Variants in LIN28B observed in about 807,000 individuals in gnomAD.
LIN28B encodes the protein lin-28 RNA binding posttranscriptional regulator B, also known as protein lin-28 homolog B.
LIN28B carries 5 observed loss-of-function variants against 21.9 expected under a neutral mutation model. That is an observed-to-expected ratio of 0.23 (90% CI 0.12 to 0.48). The LOEUF is 0.48. LIN28B is among the 20% of genes least tolerant of loss of function. The pLI is 0.98. For synonymous variants in LIN28B, 109 were observed against 111.3 expected (o/e 0.98, Z 0.13); for missense variants, 245 against 310.5 (o/e 0.79, Z 1.58).
In LIN28B at chr6:105,074,228, C is replaced by T. The variant is rs113347887; in HGVS notation, c.384-4186C>T. ...TTTTCTTTTTTTTGAGACAGAGTCT[C>T]GCTCTGTCGCCCAGGCTGGAGTGCA... On this transcript the variant is annotated intron_variant, in intron 3 of 3. Transcript: ENST00000345080. Among the ~76,000 whole-genome samples, 192 of 152,196 alleles carry T rather than the reference C, an allele frequency of 1.3e-3. 2 individuals are homozygous for T. The highest frequency in any genetic ancestry group is 4.5e-3 in the African/African-American group (185 of 41,528).
chr6:105,015,540 A>G (rs771657560), intron 2 of LIN28B, among the ~76,000 whole-genome samples: 1 of 152,050 alleles, frequency 6.6e-6, no homozygotes, highest in Admixed American at 6.5e-5. Context: ...AACTGTTCAT[A>G]TGGTTGGATT....
intron 2 of LIN28B, among the ~76,000 whole-genome samples, chr6:104,948,372 CAGG>C (rs1397422261): frequency 2.0e-5 from 3 of 152,102 alleles, no homozygotes; most frequent in African/African-American, 7.2e-5. Context: ...GAGGCCGAGG[CAGG>C]AGAATCGCTT....
chr6:104,993,935 C>A (rs1026479267), intron 2 of LIN28B, among the ~76,000 whole-genome samples: 3 of 151,172 alleles, frequency 2.0e-5, no homozygotes, highest in Non-Finnish European at 4.4e-5. Flanking sequence ...GTTACTTTTT[C>A]TTAAATAGTA....
At chr6:105,007,437 T>A (rs1051872594) in intron 2 of LIN28B, among the ~76,000 whole-genome samples, 11 of 152,206 alleles carry the variant, frequency 7.2e-5, no homozygotes, top group Admixed American at 3.3e-4. Context: ...ATTATAAATG[T>A]CCAATTTGGA....
At chr6:104,962,521 A>G (rs527720040) in intron 2 of LIN28B, among the ~76,000 whole-genome samples, 2 of 152,276 alleles carry the variant, frequency 1.3e-5, no homozygotes, top group Admixed American at 1.3e-4. Flanking sequence ...TAGAAAAAAT[A>G]AAATCATTAT....
chr6:105,054,198 G>T (rs1485612579), intron 3 of LIN28B, among the ~76,000 whole-genome samples: 1 of 152,160 alleles, frequency 6.6e-6, no homozygotes, highest in East Asian at 1.9e-4. Flanking sequence ...TGTACTTAAT[G>T]TAATTATTGA....
At chr6:104,972,692 T>A (rs1289526796) in intron 2 of LIN28B, among the ~76,000 whole-genome samples, 2 of 152,316 alleles carry the variant, frequency 1.3e-5, no homozygotes, top group Non-Finnish European at 1.5e-5. Context: ...AATAAATAAA[T>A]TTTCAAATAG....
intron 3 of LIN28B, among the ~76,000 whole-genome samples, chr6:105,070,623 C>CACACACACACACAT (rs1772314120): frequency 1.3e-5 from 2 of 150,848 alleles, no homozygotes; most frequent in Non-Finnish European, 3.0e-5. Context: ...CACACACACA[C>CACACACACACACAT]ACACACACAC....
intron 2 of LIN28B, among the ~76,000 whole-genome samples, chr6:104,988,437 T>G (rs941675774): frequency 7.3e-6 from 1 of 137,090 alleles, no homozygotes; most frequent in Non-Finnish European, 1.6e-5. Context: ...AAGATTTGTA[T>G]TTTTTTTTTT....
In LIN28B at chr6:104,970,190, AATTT is replaced by A. The variant is rs1769945433; in HGVS notation, c.198+11910_198+11913del. On this transcript the variant is annotated intron_variant, in intron 2 of 3. Coordinates refer to ENST00000345080, the MANE Select transcript of LIN28B (RefSeq NM_001004317.4). Reference sequence around the variant, plus strand: ...ACCTAATTTACACTAAATGCTTGTTAATTTATTTAAGTTCTGGCTGCAGTCTTCG... The same window carrying A: ...ACCTAATTTACACTAAATGCTTGTTAATTTAAGTTCTGGCTGCAGTCTTCG... Among the ~76,000 whole-genome samples the A allele has an allele frequency of 2.0e-5, 3 of 152,142 alleles. 1 individual carries two copies. The highest frequency in any genetic ancestry group is 2.0e-4 in the Admixed American group (3 of 15,256).
rs1043321685 is a variant in LIN28B at position 105,079,002 on chromosome 6, A to G, written c.*219A>G. The G allele has an allele frequency of 2.7e-5, 14 of 523,152 alleles. No individual in the cohort carries two copies. In the Admixed American group the frequency reaches 3.6e-4, roughly 14 times the overall value. 32.4% of individuals were successfully genotyped at this position (523,152 alleles called of 1,614,324 possible). On this transcript the variant is annotated 3_prime_UTR_variant, in exon 4 of 4. Coordinates refer to ENST00000345080, the MANE Select transcript of LIN28B (RefSeq NM_001004317.4). ...AGAGAATAAGATACTATGTCTGTCA[A>G]TATGTGCATGTGTGAGAGGGAGAGA...
intron 2 of LIN28B, among the ~76,000 whole-genome samples, chr6:104,947,449 A>G (rs892058521): frequency 2.0e-5 from 3 of 152,182 alleles, no homozygotes; most frequent in Non-Finnish European, 4.4e-5. Flanking sequence ...ATTACAATAT[A>G]TAATTCATAA....
chr6:105,031,275 G>A (rs2114349500), intron 3 of LIN28B, among the ~76,000 whole-genome samples: 1 of 152,022 alleles, frequency 6.6e-6, no homozygotes, highest in South Asian at 2.1e-4. Flanking sequence ...CCTTCAGGCT[G>A]GTTTCTGTGT....
intron 2 of LIN28B, among the ~76,000 whole-genome samples, chr6:104,944,735 T>C (rs1236960197): frequency 6.6e-6 from 1 of 152,084 alleles, no homozygotes; most frequent in African/African-American, 2.4e-5. Context: ...AATATATCAG[T>C]AAAAAGTACT....
chr6:104,972,885 C>T (rs1489530926), intron 2 of LIN28B, among the ~76,000 whole-genome samples: 1 of 151,822 alleles, frequency 6.6e-6, no homozygotes, highest in Non-Finnish European at 1.5e-5. Context: ...CTGAGGTGGG[C>T]GGATCACCTG....
rs4145418 is a variant in LIN28B, at chr6:105,081,910, A to C, written c.*3127A>C. ...CTGGCTTGCCAAGGAATGAACATGC[A>C]ATGCCATTACTAGCTATTGAGGGAA... On this transcript the variant is annotated 3_prime_UTR_variant, in exon 4 of 4. Transcript: ENST00000345080. The C allele has an allele frequency of 0.13, 20,265 of 152,660 alleles. 1,876 individuals are homozygous for C. Among genetic ancestry groups the C allele is most frequent in the East Asian group, 0.38 (1,964 of 5,152 alleles). The allele number at this position is 152,660 out of a possible 1,614,324, so 9.5% of individuals were successfully genotyped here.
At chr6:104,987,979 A>G (rs1197151686) in intron 2 of LIN28B, among the ~76,000 whole-genome samples, 5 of 152,066 alleles carry the variant, frequency 3.3e-5, no homozygotes, top group African/African-American at 9.7e-5. Context: ...CCTGACCTCA[A>G]GTGATCTGCC....
intron 2 of LIN28B, among the ~76,000 whole-genome samples, chr6:104,991,489 C>T (rs1267868718): frequency 1.7e-4 from 25 of 148,638 alleles, no homozygotes; most frequent in Admixed American, 4.0e-4. Flanking sequence ...ACTTCCTAGA[C>T]GGGATGGCGG....
chr6:105,049,637 A>G (rs1406487983), intron 3 of LIN28B, among the ~76,000 whole-genome samples: 3 of 151,944 alleles, frequency 2.0e-5, no homozygotes, highest in Admixed American at 2.0e-4. Flanking sequence ...GTGGGAGTCT[A>G]AGTCTCTTTG....
Sources: allele counts gnomAD v4.1 joint callset (sites outside exome capture counted in the v4.1 genomes callset), GRCh38; gene constraint gnomAD v4.1.1; transcripts MANE v1.5; gene names NCBI Gene and HGNC (gene_info 2026-07-23, HGNC 2026-07-21).